The following FANCD2 variants were observed in gnomAD, a reference collection of about 807,000 sequenced individuals.
The protein encoded by FANCD2 is FA complementation group D2.
A neutral mutation model predicts 192.3 loss-of-function variants in FANCD2; 131 were observed. The observed-to-expected ratio is 0.68, with a 90% CI of 0.59 to 0.79. FANCD2 has a LOEUF of 0.79. FANCD2 is among the 30% of genes least tolerant of loss of function. The pLI, the probability that FANCD2 is intolerant of heterozygous loss-of-function variation, is 0.00. For missense variants in FANCD2, 1,508 were observed against 1,701.6 expected, an observed-to-expected ratio of 0.89 and a Z score of 2.00; for synonymous variants, 524 against 612.5, an observed-to-expected ratio of 0.86 and a Z score of 2.13.
chr3:10,051,617 A>T (rs1161520938), intron 17 of FANCD2, among the ~76,000 whole-genome samples: 1 of 152,076 alleles, frequency 6.6e-6, no homozygotes, highest in Non-Finnish European at 1.5e-5. Flanking sequence ...AGGAGAGAAT[A>T]AAAAAAGTAG....
At chr3:10,076,001 G>T in intron 29 of FANCD2, among the ~76,000 whole-genome samples, 1 of 151,294 alleles carries the variant, frequency 6.6e-6, no homozygotes, top group East Asian at 1.9e-4. Flanking sequence ...AAAGTGTTGG[G>T]ATTACAGGTG....
At chr3:10,066,944 C>G (rs892885577) in intron 25 of FANCD2, among the ~76,000 whole-genome samples, 5 of 152,174 alleles carry the variant, frequency 3.3e-5, no homozygotes, top group African/African-American at 9.7e-5. Flanking sequence ...AGACTGGTCT[C>G]AAACTCCTGG....
chr3:10,065,307 C>T (rs2087686978), intron 23 of FANCD2, 87 bp from the exon 24 acceptor site: 2 of 920,100 alleles, frequency 2.2e-6, no homozygotes, highest in Non-Finnish European at 3.6e-6. Context: ...AAGTTGTGTT[C>T]CCTATGTATG....
chr3:10,064,611 T>C, intron 22 of FANCD2, 118 bp from the exon 23 acceptor site: 1 of 1,328,152 alleles, frequency 7.5e-7, no homozygotes, highest in Non-Finnish European at 1.1e-6. Flanking sequence ...AGGTTCACTG[T>C]TTGTTCTTCT....
At chr3:10,079,191 C>T (rs1693691009) in intron 30 of FANCD2, among the ~76,000 whole-genome samples, 1 of 151,584 alleles carries the variant, frequency 6.6e-6, no homozygotes, top group African/African-American at 2.4e-5. Flanking sequence ...CTGCAGTGAA[C>T]CAAGATCATG....
intron 20 of FANCD2, among the ~76,000 whole-genome samples, chr3:10,063,515 T>G (rs1474029339): frequency 6.6e-6 from 1 of 152,206 alleles, no homozygotes; most frequent in Non-Finnish European, 1.5e-5. Context: ...TATTTCATTC[T>G]TTAGGCAGAG....
chr3:10,054,462 TA>T (rs1164231016), intron 18 of FANCD2, among the ~76,000 whole-genome samples: 8 of 27,578 alleles, frequency 2.9e-4, no homozygotes, highest in East Asian at 2.5e-3. Context: ...TATATATATA[TA>T]TATATATATA....
At chr3:10,093,817 G>T (rs1307067627) in intron 39 of FANCD2, among the ~76,000 whole-genome samples, 2 of 152,188 alleles carry the variant, frequency 1.3e-5, no homozygotes, top group African/African-American at 2.4e-5. Context: ...CCTTCCAAGT[G>T]GATGGTGCCC....
intron 16 of FANCD2, among the ~76,000 whole-genome samples, chr3:10,048,667 A>G (rs34981366): frequency 6.6e-6 from 1 of 152,340 alleles, no homozygotes; most frequent in Non-Finnish European, 1.5e-5. Context: ...AATGTTTATG[A>G]AAGCAAGTAA....
At chr3:10,050,480 G>T (rs575027732) in intron 17 of FANCD2, among the ~76,000 whole-genome samples, 1 of 151,782 alleles carries the variant, frequency 6.6e-6, no homozygotes, top group Non-Finnish European at 1.5e-5. Flanking sequence ...AAAATTAGCC[G>T]GGCATCGTGG....
At chr3:10,096,501 C>T (rs1559409618) in intron 42 of FANCD2, 29 bp downstream of exon 42, 2 of 1,610,024 alleles carry the variant, frequency 1.2e-6, no homozygotes, top group Admixed American at 3.3e-5. Flanking sequence ...TAGTGATAAT[C>T]CCCTACTCTT....
chr3:10,099,057 T>A (rs1325200840), intron 43 of FANCD2: 1 of 1,584,478 alleles, frequency 6.3e-7, no homozygotes, highest in Non-Finnish European at 8.6e-7. Context: ...GAGTTGACAA[T>A]TTTCTGCATT....
chr3:10,076,043 T>C lies in FANCD2; in HGVS notation c.2859+1370T>C, dbSNP rs538497349. Among the ~76,000 whole-genome samples, 22 of 152,136 alleles carry C rather than the reference T, an allele frequency of 1.4e-4. 1 individual carries two copies. In the East Asian group the frequency reaches 3.7e-3, roughly 25 times the overall value. On this transcript the variant is annotated intron_variant, in intron 29 of 43. Transcript: ENST00000675286. Reference sequence around the variant, plus strand: ...ACTGCGCCCAGCCATATCTTTTTTTTTTTTTTTTAATCTTTCTACATCATC... The same window carrying C: ...ACTGCGCCCAGCCATATCTTTTTTTCTTTTTTTTAATCTTTCTACATCATC...
At chr3:10,035,301 A>T in intron 6 of FANCD2, 68 bp downstream of exon 6, 1 of 1,339,006 alleles carries the variant, frequency 7.5e-7, no homozygotes, top group Non-Finnish European at 1.1e-6. Context: ...AAGTCTAAAT[A>T]GCGGGAACAC....
intron 3 of FANCD2, among the ~76,000 whole-genome samples, chr3:10,033,608 T>G (rs932508570): frequency 1.3e-5 from 2 of 151,860 alleles, no homozygotes; most frequent in Non-Finnish European, 2.9e-5. Flanking sequence ...TATAAGATTC[T>G]GTTTTGGGGG....
rs1481136096 is a variant in FANCD2 at position 10,041,516 on chromosome 3, A to T, written c.696-107A>T. ...ATAAACGGTAACTTAATGGCAACTA[A>T]GTATGTCCTTTATTTTCATACTCTA... On this transcript the variant is annotated intron_variant, in intron 9 of 43. Transcript: ENST00000675286. The T allele has an allele frequency of 8.3e-6, 7 of 838,454 alleles. No homozygotes were observed. In the Admixed American group the frequency reaches 9.2e-5, roughly 11 times the overall value. 51.9% of individuals were successfully genotyped at this position (838,454 alleles called of 1,614,324 possible). A position where few individuals can be genotyped will look rare whatever the true frequency, so the allele number is the denominator to read the frequency against.
chr3:10,084,071 A>G (rs1182038295), intron 32 of FANCD2, among the ~76,000 whole-genome samples: 1 of 150,340 alleles, frequency 6.7e-6, no homozygotes, highest in Non-Finnish European at 1.5e-5. Context: ...TCGGCTCACT[A>G]TAACCTCTGC....
At chr3:10,098,617 C>G in intron 42 of FANCD2, 103 bp from the exon 43 acceptor site, 1 of 1,439,090 alleles carries the variant, frequency 6.9e-7, no homozygotes. Context: ...TTTTGAATGG[C>G]TAAAATATCT....
In FANCD2 at chr3:10,035,178, G is replaced by A. The variant is rs760551106; in HGVS notation, c.383G>A (p.Gly128Asp). 10 of 1,612,360 alleles carry A rather than the reference G, an allele frequency of 6.2e-6. No homozygotes were observed. The highest frequency in any genetic ancestry group is 3.3e-5 in the Admixed American group (2 of 59,984). The change falls in exon 6 of 44, where the codon GGT becomes GAT. Residue 128 changes from glycine to aspartate, a missense_variant. Coordinates refer to ENST00000675286, the MANE Select transcript of FANCD2 (RefSeq NM_001018115.3). Reference protein sequence around the residue: ...ERLQDEEASMGASYSKSLIKL... With the variant: ...ERLQDEEASMDASYSKSLIKL... The stretch of plus-strand genomic sequence containing the variant: ...GATTTCTTTTTTTTTTACAGTATGG[G>A]TGCATCTTATTCTAAGAGTCTCATC...
Sources: allele counts gnomAD v4.1 joint callset (sites outside exome capture counted in the v4.1 genomes callset), GRCh38; gene constraint gnomAD v4.1.1; transcripts MANE v1.5; gene names NCBI Gene and HGNC (gene_info 2026-07-23, HGNC 2026-07-21).